SEMA4B: variants seen among roughly 807,000 people sequenced by gnomAD.
SEMA4B encodes semaphorin 4B.
In SEMA4B, 55 loss-of-function variants were observed where a neutral mutation model predicts 88.1. That is an observed-to-expected ratio of 0.62 (90% CI 0.50 to 0.78). The LOEUF is 0.78. Among genes scored for constraint, SEMA4B ranks in the 30% least tolerant of loss-of-function variants. The pLI, the probability that SEMA4B is intolerant of heterozygous loss-of-function variation, is 0.00. For synonymous variants in SEMA4B, 525 were observed against 473.6 expected (o/e 1.11, Z -1.41); for missense variants, 1,062 against 1,111.9 (o/e 0.96, Z 0.64).
At chr15:90,226,662 A>G (rs1962188460) in intron 12 of SEMA4B, among the ~76,000 whole-genome samples, 1 of 152,188 alleles carries the variant, frequency 6.6e-6, no homozygotes, top group Non-Finnish European at 1.5e-5. Context: ...TATTTTATAT[A>G]ACATTGGCAA....
In SEMA4B at chr15:90,228,355, C is replaced by T. The variant is rs776792119; in HGVS notation, c.2226C>T (p.Asn742=). Residue 742 remains asparagine (N), a synonymous_variant, in exon 14 of 14, where the codon AAC becomes AAT. Coordinates refer to ENST00000411539, the MANE Select transcript of SEMA4B (RefSeq NM_198925.4). ...TATTCTTGCTCTACCGGCACCGGAA[C>T]AGCATGAAAGTCTTCCTGAAGCAGG... is the stretch of plus-strand genomic sequence containing the variant. ...PVLFLLYRHR[N]SMKVFLKQGE... is the part of the protein sequence containing the mutation. 6.2e-7 allele frequency: 1 copy of T among 1,601,696 alleles called. No individual in the cohort carries two copies. Among genetic ancestry groups the T allele is most frequent in the Non-Finnish European group, 8.5e-7 (1 of 1,173,424 alleles).
rs749109831 is a variant in SEMA4B at position 90,223,664 on chromosome 15, C to T, written c.967C>T (p.Gln323Ter). 3.7e-6 allele frequency: 6 copies of T among 1,613,632 alleles called. No individual in the cohort carries two copies. Among genetic ancestry groups the T allele is most frequent in the Admixed American group, 1.7e-5 (1 of 59,978 alleles). Residue 323 changes from glutamine to a stop codon, truncating the protein, a stop_gained, in exon 8 of 14, where the codon CAG (glutamine) becomes TAG (stop). Coordinates refer to ENST00000411539, the MANE Select transcript of SEMA4B (RefSeq NM_198925.4). LOFTEE classifies it high-confidence loss of function. ...CGATGGCTTCCCCTTCAACGTGCTG[C>T]AGGATGTCTTCACGCTGAGCCCCAG... ...PDDGFPFNVL[Q>*]DVFTLSPSPQ...
intron 1 of SEMA4B, among the ~76,000 whole-genome samples, chr15:90,215,997 T>G (rs1961517753): frequency 6.6e-6 from 1 of 151,934 alleles, no homozygotes; most frequent in Non-Finnish European, 1.5e-5. Context: ...ATTTTTTTTT[T>G]TTCTTTTTGA....
chr15:90,217,925 C>A, intron 3 of SEMA4B, 96 bp downstream of exon 3: 1 of 1,049,446 alleles, frequency 9.5e-7, no homozygotes. Context: ...GCAGATACAG[C>A]CAGGTATGGT....
At chr15:90,187,655 AGTTGGCCGTGGCCACTACCTTT>A (rs1355601914) in intron 1 of SEMA4B, among the ~76,000 whole-genome samples, 5 of 152,224 alleles carry the variant, frequency 3.3e-5, no homozygotes, top group Admixed American at 6.5e-5. Context: ...AACTCTGCCA[AGTTGGCCGTGGCCACTACCTTT>A]GTTGGAAACA....
chr15:90,197,468 C>T (rs550994026), upstream of SEMA4B, among the ~76,000 whole-genome samples: 2 of 151,778 alleles, frequency 1.3e-5, no homozygotes, highest in East Asian at 1.9e-4. Context: ...GACGGAGTCT[C>T]GCTCTGTCCC....
Position 90,195,927 on chromosome 15 carries a change from T to TTTTTTTTTC in SEMA4B, c.-121-5523_-121-5522insCTTTTTTTT, listed in dbSNP as rs1555420906. On this transcript the variant is annotated intron_variant, in intron 1 of 14. Coordinates refer to the SEMA4B transcript ENST00000332496. The stretch of plus-strand genomic sequence containing the variant: ...GCCCAGCCTGTTTTGTACTTCTCTT[T>TTTTTTTTTC]TTTTTTTTTTCGAGACGGAGTCTCG... Among the ~76,000 whole-genome samples, 14 of 99,786 alleles carry TTTTTTTTTC rather than the reference T, an allele frequency of 1.4e-4. No individual in the cohort carries two copies. The East Asian group carries it at 6.7e-3, about 48-fold the overall frequency. The allele number at this position is 99,786 out of a possible 152,430, so 65.5% of individuals were successfully genotyped here.
chr15:90,195,982 CGATCTCG>C, intron 1 of SEMA4B, among the ~76,000 whole-genome samples: 1 of 133,820 alleles, frequency 7.5e-6, no homozygotes, highest in South Asian at 2.5e-4. Context: ...TGCAGTGGCG[CGATCTCG>C]GCTCACTGCG....
chr15:90,193,999 G>T (rs971032982), intron 1 of SEMA4B, among the ~76,000 whole-genome samples: 1 of 151,720 alleles, frequency 6.6e-6, no homozygotes, highest in Non-Finnish European at 1.5e-5. Context: ...TTATAGGTGT[G>T]CACCACCACG....
intron 1 of SEMA4B, among the ~76,000 whole-genome samples, chr15:90,213,403 C>T (rs1170452440): frequency 6.6e-6 from 1 of 152,236 alleles, no homozygotes; most frequent in East Asian, 1.9e-4. Flanking sequence ...CCCTTCACCC[C>T]CCTCTCCAAG....
chr15:90,221,854 C>T (rs1332663377), intron 7 of SEMA4B, 89 bp downstream of exon 7: 2 of 1,281,334 alleles, frequency 1.6e-6, no homozygotes, highest in Non-Finnish European at 2.1e-6. Flanking sequence ...CATGGCCTTT[C>T]CCATCCCGCC....
chr15:90,228,000 G>A lies in SEMA4B; in HGVS notation c.1871G>A (p.Arg624His), dbSNP rs748044023. The A allele has an allele frequency of 1.3e-5, 21 of 1,613,724 alleles. No homozygotes were observed. The highest frequency in any genetic ancestry group is 2.2e-5 in the East Asian group (1 of 44,886). Residue 624 changes from arginine (R) to histidine (H), a missense_variant, in exon 14 of 14, where the codon CGC becomes CAC. Coordinates refer to ENST00000411539, the MANE Select transcript of SEMA4B (RefSeq NM_198925.4). The stretch of plus-strand genomic sequence containing the variant: ...AACCTGGCGACCCGACTCTGGCTAC[G>A]CAACGGGGCCCCCGTCAATGCCTCG... The part of the protein sequence containing the change: ...LSNLATRLWL[R>H]NGAPVNASAS...
chr15:90,193,548 G>C (rs528008091), intron 1 of SEMA4B: 3 of 152,240 alleles, frequency 2.0e-5, no homozygotes, highest in Non-Finnish European at 4.4e-5. Flanking sequence ...GGAAGCATTT[G>C]AGCAGGATAT....
At chr15:90,217,738 C>A (rs773399223) in intron 2 of SEMA4B, 29 bp from the exon 3 acceptor site, 66 of 1,610,712 alleles carry the variant, frequency 4.1e-5, no homozygotes, top group Non-Finnish European at 5.5e-5. Context: ...TCCATTTTGT[C>A]CACTACCTTC....
At chr15:90,200,577 G>A (rs953076481), upstream of SEMA4B, among the ~76,000 whole-genome samples, 5 of 152,198 alleles carry the variant, frequency 3.3e-5, no homozygotes, top group African/African-American at 1.2e-4. Flanking sequence ...AACTCCACCC[G>A]TGGAGATGTT....
intron 1 of SEMA4B, among the ~76,000 whole-genome samples, 194 bp downstream of exon 1, chr15:90,201,929 C>T (rs868068296): frequency 6.6e-6 from 1 of 152,200 alleles, no homozygotes; most frequent in Admixed American, 6.5e-5. Context: ...GCCGCTGGCC[C>T]CTTTCTTCAG....
intron 7 of SEMA4B, among the ~76,000 whole-genome samples, chr15:90,223,085 C>T (rs900555711): frequency 2.6e-5 from 4 of 151,840 alleles, no homozygotes; most frequent in Admixed American, 2.6e-4. Context: ...CTCACCTCAG[C>T]CCCTCATGTA....
Position 90,218,665 on chromosome 15 carries a change from C to T in SEMA4B, c.384+836C>T, listed in dbSNP as rs1326884663. Reference sequence around the variant, plus strand: ...CCGTCTCTACTAAAAATACAAAAAACATTAGCCAGGCATGGTGGCAGGCGC... The same window carrying T: ...CCGTCTCTACTAAAAATACAAAAAATATTAGCCAGGCATGGTGGCAGGCGC... On this transcript the variant is annotated intron_variant, in intron 3 of 13. Transcript: ENST00000411539. Among the ~76,000 whole-genome samples the T allele has an allele frequency of 3.9e-5, 6 of 152,122 alleles. No individual in the cohort carries two copies. In the South Asian group the frequency reaches 8.3e-4, roughly 21 times the overall value.
intron 1 of SEMA4B, among the ~76,000 whole-genome samples, chr15:90,192,544 T>A (rs883408): frequency 0.44 from 65,761 of 150,678 alleles, 16,413 homozygotes; most frequent in East Asian, 0.71. Context: ...CATTTGCTTT[T>A]TACTTTTAGC....
Sources: allele counts gnomAD v4.1 joint callset (sites outside exome capture counted in the v4.1 genomes callset), GRCh38; gene constraint gnomAD v4.1.1; transcripts MANE v1.5; gene names NCBI Gene and HGNC (gene_info 2026-07-23, HGNC 2026-07-21).